Variants in ZBTB7C observed in about 807,000 individuals in gnomAD.
The protein encoded by ZBTB7C is zinc finger and BTB domain containing 7C, also known as zinc finger and BTB domain-containing protein 7C.
ZBTB7C carries 8 observed loss-of-function variants against 25.7 expected under a neutral mutation model. The observed-to-expected ratio is 0.31, with a 90% CI of 0.18 to 0.56. The LOEUF (loss-of-function observed/expected upper bound fraction) is 0.56, where lower values mean the gene tolerates loss of function less well. Among genes scored for constraint, ZBTB7C ranks in the 20% least tolerant of loss-of-function variants. The pLI, the probability that ZBTB7C is intolerant of heterozygous loss-of-function variation, is 0.91. For synonymous variants in ZBTB7C, 394 were observed against 369.0 expected, an observed-to-expected ratio of 1.07 and a Z score of -0.78; for missense variants, 824 against 855.2, an observed-to-expected ratio of 0.96 and a Z score of 0.46.
intron 1 of ZBTB7C, among the ~76,000 whole-genome samples, chr18:48,367,883 G>T (rs990561149): frequency 2.0e-5 from 3 of 151,782 alleles, no homozygotes; most frequent in African/African-American, 7.3e-5. Flanking sequence ...TTCCAGGAAG[G>T]TATCCATGGA....
chr18:48,234,823 T>G (rs748044616), intron 2 of ZBTB7C, among the ~76,000 whole-genome samples: 2 of 152,232 alleles, frequency 1.3e-5, no homozygotes, highest in Non-Finnish European at 2.9e-5. Flanking sequence ...GGTGGATTTA[T>G]CCATTTTTCC....
chr18:48,137,434 T>C, intron 3 of ZBTB7C: 1 of 494,886 alleles, frequency 2.0e-6, no homozygotes, highest in Non-Finnish European at 2.6e-6. Flanking sequence ...TCTCCTTCTC[T>C]AGTACTTCAC....
intron 2 of ZBTB7C, among the ~76,000 whole-genome samples, chr18:48,214,899 G>A (rs1046651326): frequency 5.9e-5 from 9 of 152,232 alleles, no homozygotes; most frequent in Admixed American, 1.3e-4. Flanking sequence ...GAACATAGGT[G>A]TACAAGGATC....
At chr18:48,281,772 C>T (rs1361844711) in intron 2 of ZBTB7C, among the ~76,000 whole-genome samples, 2 of 151,510 alleles carry the variant, frequency 1.3e-5, no homozygotes, top group African/African-American at 4.9e-5. Context: ...TACCATCTCA[C>T]ACCAGTTAGA....
At chr18:48,411,026 T>C (rs1012933492), upstream of ZBTB7C, among the ~76,000 whole-genome samples, 1 of 151,228 alleles carries the variant, frequency 6.6e-6, no homozygotes, top group African/African-American at 2.5e-5. Flanking sequence ...TTGGTGCCTC[T>C]TCCTAATATC....
At chr18:48,312,915 C>G (rs562458450) in intron 2 of ZBTB7C, among the ~76,000 whole-genome samples, 1 of 152,324 alleles carries the variant, frequency 6.6e-6, no homozygotes, top group African/African-American at 2.4e-5. Flanking sequence ...GTCAATACAT[C>G]GTAACTGATT....
At chr18:48,311,246 C>G (rs72911509) in intron 2 of ZBTB7C, among the ~76,000 whole-genome samples, 19,485 of 152,210 alleles carry the variant, frequency 0.13, 1,529 homozygotes, top group African/African-American at 0.21. Context: ...GTGGGAGCTG[C>G]TTGAGGGCAC....
intron 3 of ZBTB7C, among the ~76,000 whole-genome samples, chr18:48,108,663 T>A (rs2039122106): frequency 6.6e-6 from 1 of 152,138 alleles, no homozygotes; most frequent in Non-Finnish European, 1.5e-5. Context: ...GCTGATCTCC[T>A]GGCTTCAAGC....
intron 2 of ZBTB7C, among the ~76,000 whole-genome samples, chr18:48,324,944 C>A (rs1453924581): frequency 6.6e-6 from 1 of 152,100 alleles, no homozygotes; most frequent in Non-Finnish European, 1.5e-5. Flanking sequence ...GGATGTGATG[C>A]GAGAGGGTGC....
chr18:48,061,674 C>T (rs2144327049), intron 3 of ZBTB7C, among the ~76,000 whole-genome samples: 1 of 152,310 alleles, frequency 6.6e-6, no homozygotes, highest in African/African-American at 2.4e-5. Flanking sequence ...CAAGCAGGGT[C>T]CCATGACATA....
chr18:48,368,346 T>C (rs1311743414), intron 1 of ZBTB7C, among the ~76,000 whole-genome samples: 1 of 147,102 alleles, frequency 6.8e-6, no homozygotes, highest in Non-Finnish European at 1.5e-5. Context: ...GATAGCCAAA[T>C]AGAGGAGACA....
chr18:48,266,948 G>A (rs1390889105), intron 2 of ZBTB7C, among the ~76,000 whole-genome samples: 1 of 152,108 alleles, frequency 6.6e-6, no homozygotes, highest in Non-Finnish European at 1.5e-5. Context: ...ATACATCCTA[G>A]TAGGCTCCAC....
chr18:48,390,057 C>T (rs1220989583), intron 1 of ZBTB7C, among the ~76,000 whole-genome samples: 7 of 152,132 alleles, frequency 4.6e-5, no homozygotes, highest in Non-Finnish European at 7.4e-5. Context: ...AGGGCTGGAT[C>T]GGGAGCCCTG....
At chr18:48,038,591 G>C (rs4072059) in intron 4 of ZBTB7C, among the ~76,000 whole-genome samples, 19,566 of 143,220 alleles carry the variant, frequency 0.14, 1,363 homozygotes, top group African/African-American at 0.16. Flanking sequence ...TCCCTGATTT[G>C]ATATCCAGTC....
intron 1 of ZBTB7C, among the ~76,000 whole-genome samples, chr18:48,402,219 G>A (rs1355742598): frequency 2.0e-5 from 3 of 151,074 alleles, no homozygotes; most frequent in Admixed American, 2.0e-4. Flanking sequence ...ATCCAGTGAT[G>A]TGGGTTCATA....
chr18:48,105,713 G>A (rs2039005072), intron 3 of ZBTB7C, among the ~76,000 whole-genome samples: 1 of 152,134 alleles, frequency 6.6e-6, no homozygotes, highest in African/African-American at 2.4e-5. Context: ...TGGGTGTGGG[G>A]AGAGTTGCTG....
At chr18:48,081,863 T>A (rs2037999216) in intron 3 of ZBTB7C, among the ~76,000 whole-genome samples, 1 of 152,052 alleles carries the variant, frequency 6.6e-6, no homozygotes, top group South Asian at 2.1e-4. Context: ...ATTTTGAAGA[T>A]TTAGTACCAA....
chr18:48,211,677 C>A (rs1027234680), intron 2 of ZBTB7C, among the ~76,000 whole-genome samples: 5 of 152,166 alleles, frequency 3.3e-5, no homozygotes, highest in African/African-American at 1.2e-4. Flanking sequence ...AAATTCAAAT[C>A]ACTGACAACA....
chr18:48,109,665 C>T (rs565356393), intron 3 of ZBTB7C, among the ~76,000 whole-genome samples: 46 of 152,122 alleles, frequency 3.0e-4, no homozygotes, highest in African/African-American at 1.0e-3. Flanking sequence ...GAAAGACAGC[C>T]GAGTGACAAG....
Sources: allele counts gnomAD v4.1 joint callset (sites outside exome capture counted in the v4.1 genomes callset), GRCh38; gene constraint gnomAD v4.1.1; transcripts MANE v1.5; gene names NCBI Gene and HGNC (gene_info 2026-07-23, HGNC 2026-07-21).